The following RBFOX1 variants were observed in gnomAD, a reference collection of about 807,000 sequenced individuals.
The protein encoded by RBFOX1 is RNA binding protein fox-1 homolog 1.
In RBFOX1, 8 loss-of-function variants were observed where a neutral mutation model predicts 57.7. The ratio of observed to expected loss-of-function variants is 0.14; its 90% CI spans 0.08 to 0.25. RBFOX1 has a LOEUF of 0.25. Among genes scored for constraint, RBFOX1 ranks in the 10% least tolerant of loss-of-function variants. The pLI, the probability that RBFOX1 is intolerant of heterozygous loss-of-function variation, is 1.00. For missense variants in RBFOX1, 611 were observed against 548.5 expected (o/e 1.11, Z -1.14); for synonymous variants, 326 against 222.4 (o/e 1.47, Z -4.15).
intron 4 of RBFOX1, among the ~76,000 whole-genome samples, chr16:5,953,773 G>C (rs1055141716): frequency 6.6e-6 from 1 of 151,328 alleles, no homozygotes; most frequent in Admixed American, 6.6e-5. Context: ...ATTTGAGTTG[G>C]TTTCACATTT....
At chr16:6,301,033 C>T (rs371018300) in intron 1 of RBFOX1, among the ~76,000 whole-genome samples, 2 of 152,054 alleles carry the variant, frequency 1.3e-5, no homozygotes, top group Non-Finnish European at 1.5e-5. Context: ...AAGTAACTTA[C>T]ATTATGTTCC....
chr16:6,313,678 T>C (rs186550798), intron 1 of RBFOX1, among the ~76,000 whole-genome samples: 203 of 152,290 alleles, frequency 1.3e-3, no homozygotes, highest in Non-Finnish European at 4.6e-4. Context: ...TCCTCCGAGT[T>C]TCCTTCACTT....
intron 1 of RBFOX1, among the ~76,000 whole-genome samples, chr16:6,044,017 C>T (rs1396197918): frequency 3.3e-5 from 5 of 152,138 alleles, no homozygotes; most frequent in African/African-American, 4.8e-5. Context: ...TGTGTGGTTT[C>T]CCGGTGCTCT....
chr16:6,311,832 C>T (rs777303408), intron 1 of RBFOX1, among the ~76,000 whole-genome samples: 3 of 152,148 alleles, frequency 2.0e-5, no homozygotes. Context: ...GTCTAGTTCA[C>T]TTCTCCCATC....
intron 4 of RBFOX1, among the ~76,000 whole-genome samples, chr16:7,384,490 CAT>C (rs1239115850): frequency 6.6e-6 from 1 of 152,132 alleles, no homozygotes. Context: ...TCATGCCAAA[CAT>C]AGCTGAGTTT....
intron 11 of RBFOX1, among the ~76,000 whole-genome samples, chr16:7,647,178 C>A (rs2063914993): frequency 6.6e-6 from 1 of 152,136 alleles, no homozygotes; most frequent in Admixed American, 6.5e-5. Flanking sequence ...TACTAACCTC[C>A]CCCAGAATAT....
intron 3 of RBFOX1, among the ~76,000 whole-genome samples, chr16:6,834,746 G>C (rs1036435715): frequency 6.6e-6 from 1 of 152,144 alleles, no homozygotes; most frequent in Non-Finnish European, 1.5e-5. Context: ...GCGACTGCTC[G>C]TGAGACAGTT....
At chr16:6,741,639 A>T (rs2072155246) in intron 3 of RBFOX1, among the ~76,000 whole-genome samples, 2 of 151,762 alleles carry the variant, frequency 1.3e-5, no homozygotes, top group African/African-American at 2.4e-5. Context: ...ACTGCACTCC[A>T]GCCTGGGCGA....
At chr16:6,985,832 T>TTAAAAAAA (rs1555718816) in intron 3 of RBFOX1, among the ~76,000 whole-genome samples, 1 of 99,840 alleles carries the variant, frequency 1.0e-5, no homozygotes, top group Non-Finnish European at 1.8e-5. Flanking sequence ...TGAGTTCATG[T>TTAAAAAAA]AAAAAAAAAA....
intron 2 of RBFOX1, among the ~76,000 whole-genome samples, chr16:6,380,019 C>T (rs937039537): frequency 1.3e-5 from 2 of 152,004 alleles, no homozygotes; most frequent in Non-Finnish European, 2.9e-5. Context: ...TGTTAACAGG[C>T]AAGAAAGAGC....
chr16:7,141,998 C>T (rs1249935361), intron 4 of RBFOX1, among the ~76,000 whole-genome samples: 1 of 71,904 alleles, frequency 1.4e-5, no homozygotes, highest in African/African-American at 2.9e-5. Flanking sequence ...TCTCCTTCTT[C>T]TTCCTCCTTC....
At chr16:5,859,519 A>G (rs2057156784) in intron 3 of RBFOX1, among the ~76,000 whole-genome samples, 1 of 152,224 alleles carries the variant, frequency 6.6e-6, no homozygotes, top group African/African-American at 2.4e-5. Context: ...TTGTCCTTAC[A>G]CATTCTACCA....
chr16:7,308,469 C>G (rs1047998424), intron 4 of RBFOX1, among the ~76,000 whole-genome samples: 8 of 152,222 alleles, frequency 5.3e-5, no homozygotes, highest in Admixed American at 5.2e-4. Context: ...TTTAAAAATA[C>G]GTCAAATGCT....
At chr16:5,710,754 G>A (rs555069265) in intron 3 of RBFOX1, among the ~76,000 whole-genome samples, 2 of 152,216 alleles carry the variant, frequency 1.3e-5, no homozygotes, top group South Asian at 2.1e-4. Context: ...GCCTATTACC[G>A]GCTCTGTGTC....
chr16:5,965,018 G>T (rs963178541), intron 4 of RBFOX1, among the ~76,000 whole-genome samples: 4 of 152,102 alleles, frequency 2.6e-5, no homozygotes, highest in South Asian at 4.1e-4. Context: ...TATGCTAGGT[G>T]AAGTAAGCCA....
At chr16:6,614,673 G>GC in intron 2 of RBFOX1, among the ~76,000 whole-genome samples, 1 of 152,078 alleles carries the variant, frequency 6.6e-6, no homozygotes, top group East Asian at 1.9e-4. Context: ...CTAGTGATTT[G>GC]CCCCACAGTC....
At chr16:7,069,760 A>G (rs2056936588) in intron 4 of RBFOX1, among the ~76,000 whole-genome samples, 2 of 152,128 alleles carry the variant, frequency 1.3e-5, no homozygotes, top group South Asian at 4.1e-4. Flanking sequence ...CAATGGGATT[A>G]AGCCCCAGTT....
At chr16:6,939,144 C>G (rs942361233) in intron 3 of RBFOX1, among the ~76,000 whole-genome samples, 9 of 152,078 alleles carry the variant, frequency 5.9e-5, no homozygotes, top group African/African-American at 1.9e-4. Context: ...GGTCACACCA[C>G]TAACTAATGG....
At chr16:6,657,132 CCTCTT>C (rs1205490599) in intron 3 of RBFOX1, among the ~76,000 whole-genome samples, 15 of 145,662 alleles carry the variant, frequency 1.0e-4, no homozygotes, top group African/African-American at 1.5e-4. Context: ...CCTCTCCTCT[CCTCTT>C]CTCTCCTCTT....
Sources: allele counts gnomAD v4.1 joint callset (sites outside exome capture counted in the v4.1 genomes callset), GRCh38; gene constraint gnomAD v4.1.1; transcripts MANE v1.5; gene names NCBI Gene and HGNC (gene_info 2026-07-23, HGNC 2026-07-21).